Variants in PCDHA7 observed in about 807,000 individuals in gnomAD.
PCDHA7 encodes protocadherin alpha 7.
A neutral mutation model predicts 57.2 loss-of-function variants in PCDHA7; 37 were observed. That is an observed-to-expected ratio of 0.65 (90% CI 0.50 to 0.85). The LOEUF (loss-of-function observed/expected upper bound fraction) is 0.85, where lower values mean the gene tolerates loss of function less well. Ranked by LOEUF, PCDHA7 falls within the 40% of genes least tolerant of loss-of-function variation. PCDHA7 has a pLI of 0.00. For missense variants in PCDHA7, 1,188 were observed against 1,241.8 expected, an observed-to-expected ratio of 0.96 and a Z score of 0.65; for synonymous variants, 553 against 558.8, an observed-to-expected ratio of 0.99 and a Z score of 0.15.
chr5:141,009,852 A>G lies in PCDHA7; in HGVS notation c.2729A>G (p.Lys910Arg), dbSNP rs1554262492. The G allele has an allele frequency of 6.2e-7, 1 of 1,614,074 alleles. No homozygotes were observed. Among genetic ancestry groups the G allele is most frequent in the East Asian group, 2.2e-5 (1 of 44,874 alleles). ...FITFGKKEET[K>R]KKKKKKKGNK... ...ACCTTCGGCAAAAAGGAGGAGACCA[A>G]GAAAAAGAAGAAAAAGAAGAAGGGT... Residue 910 changes from lysine (K) to arginine (R), a missense_variant, in exon 4 of 4, where the codon AAG becomes AGG. Physicochemically the swap from Lys to Arg is conservative, Grantham distance 26. This residue lies in a region of PCDHA7 where 892 missense variants were observed against 788.5 expected (regional missense o/e 1.13). Coordinates refer to ENST00000525929, the MANE Select transcript of PCDHA7 (RefSeq NM_018910.3).
At chr5:140,989,657 A>G (rs1045043697) in intron 3 of PCDHA7, among the ~76,000 whole-genome samples, 7 of 152,228 alleles carry the variant, frequency 4.6e-5, no homozygotes, top group African/African-American at 1.7e-4. Flanking sequence ...CAATATTTTA[A>G]AAGAAACTCT....
At chr5:140,855,892 G>C in intron 1 of PCDHA7, 2 of 1,011,396 alleles carry the variant, frequency 2.0e-6, no homozygotes, top group Non-Finnish European at 2.9e-6. Context: ...TAGAACAAAG[G>C]CATCAGCCAG....
At chr5:140,840,874 T>C (rs1776919998) in intron 1 of PCDHA7, among the ~76,000 whole-genome samples, 1 of 152,016 alleles carries the variant, frequency 6.6e-6, no homozygotes, top group Non-Finnish European at 1.5e-5. Context: ...GAGGACAGTT[T>C]ACATTTCTGA....
In PCDHA7 at chr5:140,851,110, A is replaced by G. The variant is rs2041963644; in HGVS notation, c.2355+14372A>G. On this transcript the variant is annotated intron_variant, in intron 1 of 3. Transcript: ENST00000525929. ...TAAATAGATATTTTTTGGGTGCTGA[A>G]TCAATTTTATTTAAATTTGTGATTA... 1.5e-6 allele frequency: 2 copies of G among 1,302,324 alleles called. 1 individual carries two copies. The highest frequency in any genetic ancestry group is 2.0e-6 in the Non-Finnish European group (2 of 1,004,926). 80.7% of individuals were successfully genotyped at this position (1,302,324 alleles called of 1,614,324 possible). A position where few individuals can be genotyped will look rare whatever the true frequency, so the allele number is the denominator to read the frequency against.
chr5:140,977,074 T>C (rs1315038002), intron 1 of PCDHA7, among the ~76,000 whole-genome samples: 1 of 152,244 alleles, frequency 6.6e-6, no homozygotes, highest in Admixed American at 6.5e-5. Flanking sequence ...AATAGCAGCA[T>C]GACAAATTAA....
rs2150325901 is a variant in PCDHA7 at position 140,841,940 on chromosome 5, G to A, written c.2355+5202G>A. Reference sequence around the variant, plus strand: ...ATCCTTGGACAGAGAGGACGCTCCTGCGCACCACTTATTCCTGACAGCCAC... The same window carrying A: ...ATCCTTGGACAGAGAGGACGCTCCTACGCACCACTTATTCCTGACAGCCAC... On this transcript the variant is annotated intron_variant, in intron 1 of 3. Transcript: ENST00000525929. 5.0e-6 allele frequency: 8 copies of A among 1,613,930 alleles called. No individual in the cohort carries two copies. In the South Asian group the frequency reaches 6.6e-5, roughly 13 times the overall value.
chr5:140,834,430 T>G lies in PCDHA7; in HGVS notation c.47T>G (p.Leu16Arg), dbSNP rs1772988192. 1.9e-6 allele frequency: 3 copies of G among 1,613,806 alleles called. No homozygotes were observed. In the East Asian group the frequency reaches 6.7e-5, roughly 36 times the overall value. The change falls in exon 1 of 4, where the codon CTG becomes CGG. Residue 16 changes from leucine (L) to arginine (R), a missense_variant. Around this residue, in one of 3 missense-constraint regions of PCDHA7, gnomAD observed 194 missense variants for 185.8 expected, o/e 1.04. Coordinates refer to ENST00000525929, the MANE Select transcript of PCDHA7 (RefSeq NM_018910.3). ...GYDPGGRHLL[L>R]FIIILAAWEA... ...GACCCAGGGGGCCGACATCTACTGC[T>G]GTTTATTATAATTCTAGCAGCTTGG...
At chr5:140,969,304 C>CA in intron 1 of PCDHA7, 3 of 1,614,160 alleles carry the variant, frequency 1.9e-6, no homozygotes, top group Non-Finnish European at 2.5e-6. Flanking sequence ...TGATTATTCT[C>CA]AAAAATGAGG....
Position 140,855,945 on chromosome 5 carries a change from C to T in PCDHA7, c.2355+19207C>T, listed in dbSNP as rs187469272. On this transcript the variant is annotated intron_variant, in intron 1 of 3. Transcript: ENST00000525929. ...AGTAGCGTCATTCTGAGATCTCAGC[C>T]ATTTCGATAAAAAATAGATATAAGA... 8 of 1,336,226 alleles carry T rather than the reference C, an allele frequency of 6.0e-6. No individual in the cohort carries two copies. In the Admixed American group the frequency reaches 1.2e-4, roughly 20 times the overall value. 82.8% of individuals were successfully genotyped at this position (1,336,226 alleles called of 1,614,324 possible). A position where few individuals can be genotyped will look rare whatever the true frequency, so the allele number is the denominator to read the frequency against.
At chr5:140,977,703 A>G (rs1407162368) in intron 1 of PCDHA7, among the ~76,000 whole-genome samples, 1 of 152,192 alleles carries the variant, frequency 6.6e-6, no homozygotes, top group Non-Finnish European at 1.5e-5. Context: ...ATCTGTCTGA[A>G]TATTGAGATG....
At chr5:140,882,039 TGA>T (rs781834736) in intron 1 of PCDHA7, 12 of 658,206 alleles carry the variant, frequency 1.8e-5, no homozygotes, top group Non-Finnish European at 2.9e-5. Flanking sequence ...ATATGAAGAC[TGA>T]GTCATACTTA....
chr5:140,852,579 TTTA>T, intron 1 of PCDHA7: 2 of 849,052 alleles, frequency 2.4e-6, no homozygotes, highest in African/African-American at 1.9e-5. Flanking sequence ...CCAAGGCTTT[TTTA>T]TTTTTTTTTT....
chr5:140,918,387 C>A (rs1554198606), intron 1 of PCDHA7, among the ~76,000 whole-genome samples: 1 of 152,142 alleles, frequency 6.6e-6, no homozygotes, highest in Non-Finnish European at 1.5e-5. Context: ...TTATTTCTTT[C>A]TCTTGCCTGA....
intron 1 of PCDHA7, among the ~76,000 whole-genome samples, chr5:140,954,291 T>C (rs1309677058): frequency 6.6e-6 from 1 of 152,230 alleles, no homozygotes; most frequent in African/African-American, 2.4e-5. Context: ...TTCCTTTGGG[T>C]ACATACCCAG....
Position 140,965,562 on chromosome 5 carries a change from A to G in PCDHA7, c.2356-13387A>G, listed in dbSNP as rs548302746. 1.9e-4 allele frequency among the ~76,000 whole-genome samples: 29 copies of G among 152,242 alleles called. No homozygotes were observed. In the South Asian group the frequency reaches 6.0e-3, roughly 32 times the overall value. On this transcript the variant is annotated intron_variant, in intron 1 of 3. Coordinates refer to ENST00000525929, the MANE Select transcript of PCDHA7 (RefSeq NM_018910.3). ...AATTCCAGCCTGGCTTAGGAGATCA[A>G]CAGTAACGCTCTTGATTTAATGGTT...
chr5:140,914,159 G>A (rs1193212496), intron 1 of PCDHA7, among the ~76,000 whole-genome samples: 3 of 152,088 alleles, frequency 2.0e-5, no homozygotes, highest in African/African-American at 4.8e-5. Flanking sequence ...TGTCCAATAC[G>A]GAAAGTGGGG....
intron 1 of PCDHA7, among the ~76,000 whole-genome samples, chr5:140,925,206 G>A (rs576558414): frequency 1.3e-5 from 2 of 152,234 alleles, no homozygotes; most frequent in South Asian, 2.1e-4. Context: ...AATAATTATC[G>A]ATACTTTTAG....
intron 1 of PCDHA7, chr5:140,843,571 C>G: frequency 1.3e-6 from 2 of 1,595,974 alleles, no homozygotes; most frequent in Non-Finnish European, 1.7e-6. Context: ...GCTGGTCATA[C>G]TCGCAACAAC....
intron 1 of PCDHA7, chr5:140,843,264 T>C (rs1188408324): frequency 6.3e-7 from 1 of 1,595,962 alleles, no homozygotes; most frequent in Admixed American, 1.7e-5. Flanking sequence ...CACCGTCTGC[T>C]GGTCCTGGTG....
Sources: allele counts gnomAD v4.1 joint callset (sites outside exome capture counted in the v4.1 genomes callset), GRCh38; gene constraint gnomAD v4.1.1; regional missense constraint gnomAD v4.1.1; transcripts MANE v1.5; gene names NCBI Gene and HGNC (gene_info 2026-07-23, HGNC 2026-07-21).